The following APLP2 variants were observed in gnomAD, a reference collection of about 807,000 sequenced individuals.
The protein encoded by APLP2 is amyloid beta precursor like protein 2.
Under a neutral mutation model 89.9 loss-of-function variants are expected in APLP2, and 53 were observed. The ratio of observed to expected loss-of-function variants is 0.59; its 90% confidence interval spans 0.47 to 0.74. The LOEUF is 0.74. Among genes scored for constraint, APLP2 ranks in the 30% least tolerant of loss-of-function variants. The pLI is 0.00. For missense variants in APLP2, 973 were observed against 975.9 expected (o/e 1.00, Z 0.04); for synonymous variants, 372 against 348.6 (o/e 1.07, Z -0.75).
At chr11:130,115,380 C>G (rs1949052331) in intron 3 of APLP2, among the ~76,000 whole-genome samples, 1 of 151,978 alleles carries the variant, frequency 6.6e-6, no homozygotes, top group Non-Finnish European at 1.5e-5. Flanking sequence ...GGTAAACAAC[C>G]TTTGTTATTT....
chr11:130,072,245 C>CTCCTG (rs1311736780), intron 1 of APLP2, among the ~76,000 whole-genome samples: 2 of 152,178 alleles, frequency 1.3e-5, no homozygotes, highest in African/African-American at 2.4e-5. Flanking sequence ...GCATACTGTG[C>CTCCTG]AGTGGATGAC....
At chr11:130,135,798 A>AT in intron 13 of APLP2, 83 bp downstream of exon 13, 1 of 1,522,082 alleles carries the variant, frequency 6.6e-7, no homozygotes, top group Admixed American at 1.8e-5. Flanking sequence ...CGAAAACCAA[A>AT]TTGAGTTGGG....
intron 10 of APLP2, 33 bp downstream of exon 10, chr11:130,129,239 G>A: frequency 6.3e-7 from 1 of 1,593,322 alleles, no homozygotes; most frequent in Non-Finnish European, 8.6e-7. Context: ...CCTGCCCTGA[G>A]GTGGTATATG....
chr11:130,130,914 TGCCTAAAG>T (rs1950876162), intron 11 of APLP2, among the ~76,000 whole-genome samples: 1 of 152,176 alleles, frequency 6.6e-6, no homozygotes, highest in African/African-American at 2.4e-5. Context: ...AAAGGTAATG[TGCCTAAAG>T]GCCTAAAGGC....
At chr11:130,132,827 A>G (rs969955535) in intron 11 of APLP2, among the ~76,000 whole-genome samples, 5 of 152,208 alleles carry the variant, frequency 3.3e-5, no homozygotes, top group East Asian at 1.9e-4. Context: ...AGCAAAATCC[A>G]TAATGGTTCC....
At chr11:130,117,074 T>C (rs1323722603) in intron 3 of APLP2, among the ~76,000 whole-genome samples, 1 of 152,032 alleles carries the variant, frequency 6.6e-6, no homozygotes, top group African/African-American at 2.4e-5. Flanking sequence ...GAGGATGCAG[T>C]GAGCCAAGAT....
intron 3 of APLP2, among the ~76,000 whole-genome samples, chr11:130,112,376 T>A (rs553897514): frequency 1.3e-5 from 2 of 150,234 alleles, no homozygotes; most frequent in South Asian, 4.2e-4. Context: ...ATGAGGGTGA[T>A]GGTGTTCAGT....
At chr11:130,073,685 A>G (rs1233961343) in intron 1 of APLP2, among the ~76,000 whole-genome samples, 2 of 152,202 alleles carry the variant, frequency 1.3e-5, no homozygotes, top group Non-Finnish European at 2.9e-5. Flanking sequence ...TACTAAAAAT[A>G]CAAAAATTAG....
chr11:130,076,341 C>G (rs1942116011), intron 1 of APLP2, among the ~76,000 whole-genome samples: 1 of 152,204 alleles, frequency 6.6e-6, no homozygotes, highest in African/African-American at 2.4e-5. Context: ...TCCCAAAGTG[C>G]TGGGATTACA....
At chr11:130,080,211 A>G (rs2135397693) in intron 1 of APLP2, among the ~76,000 whole-genome samples, 1 of 152,140 alleles carries the variant, frequency 6.6e-6, no homozygotes, top group East Asian at 1.9e-4. Context: ...CATTGCCTTT[A>G]TTACTATTAT....
chr11:130,099,579 A>C (rs1397358476), intron 1 of APLP2, among the ~76,000 whole-genome samples: 1 of 152,204 alleles, frequency 6.6e-6, no homozygotes, highest in African/African-American at 2.4e-5. Flanking sequence ...GAAGTCAGCA[A>C]CTCTTGGCCA....
chr11:130,096,967 A>G (rs945329356), intron 1 of APLP2, among the ~76,000 whole-genome samples: 1 of 152,186 alleles, frequency 6.6e-6, no homozygotes, highest in South Asian at 2.1e-4. Flanking sequence ...TAAATTGTTG[A>G]TAATTACAAT....
intron 7 of APLP2, among the ~76,000 whole-genome samples, chr11:130,125,981 G>A (rs1219902451): frequency 1.3e-5 from 2 of 152,182 alleles, no homozygotes; most frequent in Admixed American, 6.5e-5. Flanking sequence ...TCTGGGGAAC[G>A]CTTGGGAAGC....
At chr11:130,072,056 A>T (rs373371414) in intron 1 of APLP2, among the ~76,000 whole-genome samples, 1 of 152,206 alleles carries the variant, frequency 6.6e-6, no homozygotes, top group Non-Finnish European at 1.5e-5. Context: ...CTTGGCACAG[A>T]ATTATTGATT....
chr11:130,142,826 G>T (rs1011876165), intron 16 of APLP2, among the ~76,000 whole-genome samples: 1 of 152,016 alleles, frequency 6.6e-6, no homozygotes, highest in Non-Finnish European at 1.5e-5. Context: ...ATTGACCAGG[G>T]TGATCTCAAA....
chr11:130,082,134 A>G (rs1565551795), intron 1 of APLP2, among the ~76,000 whole-genome samples: 1 of 152,154 alleles, frequency 6.6e-6, no homozygotes, highest in Non-Finnish European at 1.5e-5. Context: ...CTTCTCATAC[A>G]GATTTTATTA....
intron 1 of APLP2, among the ~76,000 whole-genome samples, chr11:130,096,163 C>G (rs1946182481): frequency 6.6e-6 from 1 of 152,188 alleles, no homozygotes. Context: ...CATTAGAATT[C>G]AGGACAGTCA....
chr11:130,090,923 G>A (rs1296918721), intron 1 of APLP2, among the ~76,000 whole-genome samples: 2 of 149,042 alleles, frequency 1.3e-5, no homozygotes, highest in African/African-American at 2.5e-5. Flanking sequence ...TCCCGGACGG[G>A]GCGGCTGGCC....
At chr11:130,101,560 TTGTG>T in intron 1 of APLP2, 1 of 163,188 alleles carries the variant, frequency 6.1e-6, no homozygotes, top group Non-Finnish European at 1.3e-5. Flanking sequence ...CTACCTCAAA[TTGTG>T]TGTTCTCTTT....
Sources: gnomAD v4.1 joint callset for allele counts (sites outside exome capture counted in the v4.1 genomes callset) on GRCh38, gnomAD v4.1.1 for gene constraint, MANE v1.5 for transcripts, NCBI Gene and HGNC (gene_info 2026-07-23, HGNC 2026-07-21) for gene names.